PACRG: variants seen among roughly 807,000 people sequenced by gnomAD.
The protein encoded by PACRG is parkin coregulated.
A neutral mutation model predicts 29.7 loss-of-function variants in PACRG; 29 were observed. The observed-to-expected ratio is 0.98, with a 90% CI of 0.73 to 1.33. PACRG has a LOEUF of 1.33. Among genes scored for constraint, PACRG ranks in the 40% most tolerant of loss-of-function variants. The pLI is 0.00. For synonymous variants in PACRG, 116 were observed against 118.7 expected (o/e 0.98, Z 0.15); for missense variants, 279 against 316.2 (o/e 0.88, Z 0.89).
At chr6:163,167,595 AAGG>A (rs1221264477) in intron 4 of PACRG, among the ~76,000 whole-genome samples, 2 of 152,230 alleles carry the variant, frequency 1.3e-5, no homozygotes, top group African/African-American at 4.8e-5. Flanking sequence ...TAGCTAAATG[AAGG>A]AGATGTGACT....
Position 163,107,014 on chromosome 6 carries a change from A to G in PACRG, c.613+17606A>G, listed in dbSNP as rs147938683. On this transcript the variant is annotated intron_variant, in intron 4 of 4. Transcript: ENST00000366888. ...AGTTGCAAATAATGATCAAGAAGAAAGTCATTCTGTCTAAATTAGGGCATG... is the reference window on the plus strand; with the variant it reads ...AGTTGCAAATAATGATCAAGAAGAAGGTCATTCTGTCTAAATTAGGGCATG... 2.6e-5 allele frequency among the ~76,000 whole-genome samples: 4 copies of G among 152,344 alleles called. No homozygotes were observed. The East Asian group carries it at 7.7e-4, about 29-fold the overall frequency.
chr6:163,081,046 G>A (rs1026386581), intron 3 of PACRG, among the ~76,000 whole-genome samples: 4 of 152,022 alleles, frequency 2.6e-5, no homozygotes, highest in African/African-American at 9.7e-5. Flanking sequence ...TACTTATATA[G>A]CAATTGAGCT....
chr6:163,108,510 C>G (rs1462581138), intron 4 of PACRG, among the ~76,000 whole-genome samples: 1 of 148,976 alleles, frequency 6.7e-6, no homozygotes, highest in Non-Finnish European at 1.5e-5. Flanking sequence ...TCTCAGGCCT[C>G]AGTCCCTGAG....
intron 4 of PACRG, among the ~76,000 whole-genome samples, chr6:163,148,170 T>A (rs1327727333): frequency 6.6e-6 from 1 of 152,212 alleles, no homozygotes; most frequent in Non-Finnish European, 1.5e-5. Flanking sequence ...GATTTTTCTT[T>A]AATGCTGCAA....
At chr6:162,727,705 G>T (rs534060238), upstream of PACRG, 10 of 1,561,064 alleles carry the variant, frequency 6.4e-6, no homozygotes, top group South Asian at 1.1e-4. Context: ...GCCAGGAACA[G>T]GCCCATGCGC....
chr6:162,738,139 C>A (rs1180663766), intron 1 of PACRG, among the ~76,000 whole-genome samples: 2 of 152,118 alleles, frequency 1.3e-5, no homozygotes, highest in Non-Finnish European at 2.9e-5. Context: ...TTCCTAGAGG[C>A]AAGCAGGATC....
rs76437656 is a variant in PACRG, at chr6:163,056,505, G to T, written c.292-5645G>T. Among the ~76,000 whole-genome samples, 67 of 152,276 alleles carry T rather than the reference G, an allele frequency of 4.4e-4. 2 individuals carry two copies. In the East Asian group the frequency reaches 0.013, roughly 29 times the overall value. On this transcript the variant is annotated intron_variant, in intron 2 of 4. Transcript: ENST00000366888. ...CATACAAATCTAGTTGCTTAGAAAAGAAACTTTTAACAGGGACTTATAAAC... is the reference window on the plus strand; with the variant it reads ...CATACAAATCTAGTTGCTTAGAAAATAAACTTTTAACAGGGACTTATAAAC...
chr6:162,802,607 C>T (rs570212753), intron 1 of PACRG, among the ~76,000 whole-genome samples: 2 of 152,258 alleles, frequency 1.3e-5, no homozygotes, highest in East Asian at 3.9e-4. Context: ...CATCTCAGAT[C>T]TTGACATCCC....
chr6:162,887,413 T>A (rs572182009), intron 2 of PACRG, among the ~76,000 whole-genome samples: 1 of 152,304 alleles, frequency 6.6e-6, no homozygotes, highest in East Asian at 1.9e-4. Flanking sequence ...TTCTCTGGAA[T>A]TTTAGTGAAA....
intron 2 of PACRG, among the ~76,000 whole-genome samples, chr6:162,907,514 A>G (rs1796013921): frequency 6.6e-6 from 1 of 152,134 alleles, no homozygotes; most frequent in Non-Finnish European, 1.5e-5. Flanking sequence ...TTTAGCCATT[A>G]GATTTTAGTC....
At chr6:162,989,696 G>GAAAACCC (rs1443265371) in intron 2 of PACRG, among the ~76,000 whole-genome samples, 2 of 150,626 alleles carry the variant, frequency 1.3e-5, no homozygotes, top group African/African-American at 4.9e-5. Context: ...CCGCAGATAT[G>GAAAACCC]GAGGGCTGAC....
rs1385145592 is a variant in PACRG at position 163,269,795 on chromosome 6, A to G, written c.614-45032A>G. On this transcript the variant is annotated intron_variant, in intron 4 of 4. Transcript: ENST00000366888. ...CAGACAGACAGACAGAAAGAAAGAA[A>G]GGAAGGAAGGAAGGAAGGAAGGAAG... is the stretch of plus-strand genomic sequence containing the variant. Among the ~76,000 whole-genome samples, 7 of 107,912 alleles carry G rather than the reference A, an allele frequency of 6.5e-5. 1 individual carries two copies. The Admixed American group carries it at 6.6e-4, about 10-fold the overall frequency. 70.8% of individuals were successfully genotyped at this position (107,912 alleles called of 152,430 possible).
intron 4 of PACRG, among the ~76,000 whole-genome samples, chr6:163,140,069 G>C (rs544948438): frequency 6.6e-6 from 1 of 152,288 alleles, no homozygotes; most frequent in South Asian, 2.1e-4. Flanking sequence ...CCTTGAGGAT[G>C]ATCAGCTGCT....
At chr6:162,984,535 G>A (rs1378386095) in intron 2 of PACRG, among the ~76,000 whole-genome samples, 1 of 152,046 alleles carries the variant, frequency 6.6e-6, no homozygotes. Flanking sequence ...TAGATACCTA[G>A]TAGTGGGATT....
intron 4 of PACRG, among the ~76,000 whole-genome samples, chr6:163,198,945 G>A (rs6935990): frequency 0.4 from 61,097 of 151,984 alleles, 13,616 homozygotes; most frequent in African/African-American, 0.59. Context: ...ACTCGAAACA[G>A]GGAGGGGCTT....
chr6:162,727,796 T>G, upstream of PACRG: 1 of 1,002,494 alleles, frequency 1.0e-6, no homozygotes, highest in Non-Finnish European at 1.5e-6. Flanking sequence ...CGCCCGGCCC[T>G]AGGAATGCGC....
chr6:162,915,283 T>C (rs1291872373), intron 2 of PACRG, among the ~76,000 whole-genome samples: 2 of 151,964 alleles, frequency 1.3e-5, no homozygotes, highest in Non-Finnish European at 2.9e-5. Flanking sequence ...TTTTTTTTTT[T>C]AGACCAGGGG....
intron 1 of PACRG, among the ~76,000 whole-genome samples, chr6:162,789,266 T>C (rs1418640404): frequency 6.6e-6 from 1 of 152,210 alleles, no homozygotes; most frequent in Non-Finnish European, 1.5e-5. Flanking sequence ...TCAGAATAAT[T>C]GAACCTTGGC....
At chr6:163,149,777 T>G (rs995576331) in intron 4 of PACRG, among the ~76,000 whole-genome samples, 2 of 152,082 alleles carry the variant, frequency 1.3e-5, no homozygotes, top group Non-Finnish European at 2.9e-5. Flanking sequence ...GCGGATCGGA[T>G]CCCCGGTGCA....
Sources: allele counts gnomAD v4.1 joint callset (sites outside exome capture counted in the v4.1 genomes callset), GRCh38; gene constraint gnomAD v4.1.1; transcripts MANE v1.5; gene names NCBI Gene and HGNC (gene_info 2026-07-23, HGNC 2026-07-21).